CFAP298: variants seen among roughly 807,000 people sequenced by gnomAD.
CFAP298 encodes cilia- and flagella-associated protein 298.
In CFAP298, 38 loss-of-function variants were observed where a neutral mutation model predicts 41.0. The ratio of observed to expected loss-of-function variants is 0.93; its 90% CI spans 0.72 to 1.22. The LOEUF is 1.22. CFAP298 is among the 50% of genes most tolerant of loss of function. The pLI, the probability that CFAP298 is intolerant of heterozygous loss-of-function variation, is 0.00. For synonymous variants in CFAP298, 137 were observed against 135.3 expected, an observed-to-expected ratio of 1.01 and a Z score of -0.09; for missense variants, 348 against 360.3, an observed-to-expected ratio of 0.97 and a Z score of 0.28.
chr21:32,609,788 A>C (rs2146569341), intron 2 of CFAP298, 50 bp downstream of exon 2: 1 of 1,513,472 alleles, frequency 6.6e-7, no homozygotes, highest in Non-Finnish European at 8.9e-7. Flanking sequence ...AACTGTTTTC[A>C]TACTTATGCC....
intron 5 of CFAP298, chr21:32,602,620 T>C: frequency 7.6e-7 from 1 of 1,308,996 alleles, no homozygotes; most frequent in Non-Finnish European, 9.7e-7. Flanking sequence ...AGGCAGACAC[T>C]GCAGGCAGGT....
intron 2 of CFAP298, among the ~76,000 whole-genome samples, chr21:32,609,468 G>A (rs1363285520): frequency 6.6e-6 from 1 of 152,136 alleles, no homozygotes; most frequent in Non-Finnish European, 1.5e-5. Context: ...GAAATGACGA[G>A]GTCAATTTTT....
intron 4 of CFAP298, 47 bp downstream of exon 4, chr21:32,604,078 G>A (rs769504012): frequency 1.9e-6 from 3 of 1,584,290 alleles, no homozygotes; most frequent in Non-Finnish European, 2.6e-6. Flanking sequence ...AAGGGCTTTG[G>A]GGGCCAGGAA....
At chr21:32,602,716 G>A (rs2038771326) in intron 5 of CFAP298, 23 of 1,248,328 alleles carry the variant, frequency 1.8e-5, no homozygotes, top group Non-Finnish European at 2.3e-5. Context: ...TCACAGCCTA[G>A]TGACGTAGGA....
rs2038818581 is a variant in CFAP298 at position 32,604,268 on chromosome 21, CG to C, written c.390del (p.Gly131ValfsTer9). Reference sequence around the variant, plus strand: ...ACCATCTCCATGGTAACACAGACACCGGCTTCCACTTGTTTCTGCAAGCAGA... The same window carrying C: ...ACCATCTCCATGGTAACACAGACACCGCTTCCACTTGTTTCTGCAAGCAGA... Reference protein sequence around the residue: ...KAIISKKQVEAGVCVTMEMVK... With the variant: ...KAIISKKQVEXGVCVTMEMVK... On this transcript the variant is annotated frameshift_variant, in exon 4 of 7. Transcript: ENST00000290155. LOFTEE classifies it high-confidence loss of function. 6.2e-7 allele frequency: 1 copy of C among 1,613,934 alleles called. No individual in the cohort carries two copies. Among genetic ancestry groups the C allele is most frequent in the African/African-American group, 1.3e-5 (1 of 74,886 alleles).
rs1390232421 is a variant in CFAP298, at chr21:32,602,297, T to C, written c.737A>G (p.Tyr246Cys). 2 of 1,613,996 alleles carry C rather than the reference T, an allele frequency of 1.2e-6. No homozygotes were observed. The highest frequency in any genetic ancestry group is 1.3e-5 in the African/African-American group (1 of 74,940). ...SEEQKQLMLY[Y>C]HRRQEELKRL... The stretch of plus-strand genomic sequence containing the variant: ...CTTGAGCTCCTCTTGTCTTCTGTGA[T>C]AGTACAGCATCAGCTGCTTCTGCTC... Residue 246 changes from tyrosine (Y) to cysteine (C), a missense_variant, in exon 6 of 7, where the codon TAT becomes TGT. Tyr to Cys is a radical substitution (Grantham distance 194). Transcript: ENST00000290155.
rs958130006 is a variant in CFAP298 at position 32,602,708 on chromosome 21, A to T, written c.667-341T>A. On this transcript the variant is annotated intron_variant, in intron 5 of 6. Transcript: ENST00000290155. ...TGGAGGGCCCCATTTCCCCAAAATC[A>T]CAGCCTAGTGACGTAGGAGCACCCA... is the stretch of plus-strand genomic sequence containing the variant. 2.4e-6 allele frequency: 3 copies of T among 1,241,296 alleles called. No homozygotes were observed. The African/African-American group carries it at 4.6e-5, about 19-fold the overall frequency. The allele number at this position is 1,241,296 out of a possible 1,614,324, so 76.9% of individuals were successfully genotyped here. A position where few individuals can be genotyped will look rare whatever the true frequency, so the allele number is the denominator to read the frequency against.
chr21:32,606,356 C>T (rs2038866514), intron 3 of CFAP298, among the ~76,000 whole-genome samples: 1 of 152,144 alleles, frequency 6.6e-6, no homozygotes. Flanking sequence ...AGATAAGATA[C>T]TGAGAGAGGA....
In CFAP298 at chr21:32,603,280, C is replaced by G. The variant is rs373153603; in HGVS notation, c.547G>C (p.Val183Leu). The G allele has an allele frequency of 5.0e-5, 81 of 1,613,918 alleles. No individual in the cohort carries two copies. Among genetic ancestry groups the G allele is most frequent in the Non-Finnish European group, 6.7e-5 (79 of 1,179,952 alleles). Residue 183 changes from valine (V) to leucine (L), a missense_variant, in exon 5 of 7, where the codon GTC becomes CTC. Val to Leu is a conservative substitution (Grantham distance 32). Transcript: ENST00000290155. ...AGCTGCGCCTCTGCCTCTTTAATGA[C>G]GTTGAGCCCTGCCTGGGGCCAGTCG... ...DLSGTQAGLN[V>L]IKEAEAQLWW...
intron 6 of CFAP298, 105 bp downstream of exon 6, chr21:32,602,167 T>A (rs2038756353): frequency 8.7e-7 from 1 of 1,150,590 alleles, no homozygotes; most frequent in African/African-American, 1.5e-5. Context: ...GAAAGACCCC[T>A]CCCCGGCATT....
In CFAP298 at chr21:32,602,271, C is replaced by T. The variant is rs111325880; in HGVS notation, c.762+1G>A. On this transcript the variant is annotated splice_donor_variant, in intron 6 of 6. Coordinates refer to ENST00000290155, the MANE Select transcript of CFAP298 (RefSeq NM_021254.4). LOFTEE classifies it high-confidence loss of function. ...CAGAAAGCCCATCTGTCCCCTGCTA[C>T]CTTGAGCTCCTCTTGTCTTCTGTGA... The T allele has an allele frequency of 6.2e-7, 1 of 1,613,956 alleles. No homozygotes were observed. Among genetic ancestry groups the T allele is most frequent in the Non-Finnish European group, 8.5e-7 (1 of 1,179,936 alleles).
In CFAP298 at chr21:32,602,292, T is replaced by C; in HGVS notation, c.742A>G (p.Arg248Gly). The C allele has an allele frequency of 6.2e-7, 1 of 1,614,104 alleles. No individual in the cohort carries two copies. Among genetic ancestry groups the C allele is most frequent in the South Asian group, 1.1e-5 (1 of 91,090 alleles). The change falls in exon 6 of 7, where the codon AGA (arginine) becomes GGA (glycine). Residue 248 changes from arginine to glycine, a missense_variant. Transcript: ENST00000290155. Reference sequence around the variant, plus strand: ...GCTACCTTGAGCTCCTCTTGTCTTCTGTGATAGTACAGCATCAGCTGCTTC... The same window carrying C: ...GCTACCTTGAGCTCCTCTTGTCTTCCGTGATAGTACAGCATCAGCTGCTTC... ...EQKQLMLYYH[R>G]RQEELKRLEE...
intron 5 of CFAP298, 103 bp from the exon 6 acceptor site, chr21:32,602,470 A>G: frequency 6.7e-7 from 1 of 1,488,306 alleles, no homozygotes; most frequent in East Asian, 2.4e-5. Context: ...CGGCTACTAA[A>G]GATAAACAGG....
At position 32,602,808 on chromosome 21, in the gene CFAP298, C is replaced by A. The variant is rs558738577; in HGVS notation, c.666+353G>T. On this transcript the variant is annotated intron_variant, in intron 5 of 6. Coordinates refer to ENST00000290155, the MANE Select transcript of CFAP298 (RefSeq NM_021254.4). ...AGGTCTCGAACCTTTCCTCCTCCCC[C>A]TCCTGTACACAGCATCAGCAGTTTG... 1.4e-5 allele frequency: 19 copies of A among 1,378,360 alleles called. No homozygotes were observed. In the African/African-American group the frequency reaches 2.0e-4, roughly 15 times the overall value. 85.4% of individuals were successfully genotyped at this position (1,378,360 alleles called of 1,614,324 possible).
chr21:32,612,098 G>A lies in CFAP298; in HGVS notation c.139+7C>T. 1 of 1,547,830 alleles carries A rather than the reference G, an allele frequency of 6.5e-7. No homozygotes were observed. Among genetic ancestry groups the A allele is most frequent in the South Asian group, 1.2e-5 (1 of 83,566 alleles). Reference sequence around the variant, plus strand: ...CTGTCCGGGATGGGCCCACCCGCGAGCCGCACCTGAGCAGAGGCGCTGCAC... The same window carrying A: ...CTGTCCGGGATGGGCCCACCCGCGAACCGCACCTGAGCAGAGGCGCTGCAC... On this transcript the variant is annotated splice_region_variant and intron_variant, in intron 1 of 6. Transcript: ENST00000290155.
chr21:32,608,748 A>G (rs111439082), intron 2 of CFAP298, among the ~76,000 whole-genome samples: 3 of 151,914 alleles, frequency 2.0e-5, no homozygotes, highest in African/African-American at 7.2e-5. Flanking sequence ...ACTGGTTCTC[A>G]TATTTTTTTT....
Position 32,612,353 on chromosome 21 carries a change from C to CGCT in CFAP298, c.-113_-111dup. 7 of 1,439,252 alleles carry CGCT rather than the reference C, an allele frequency of 4.9e-6. No individual in the cohort carries two copies. The highest frequency in any genetic ancestry group is 6.4e-6 in the Non-Finnish European group (7 of 1,098,332). 89.2% of individuals were successfully genotyped at this position (1,439,252 alleles called of 1,614,324 possible). A position where few individuals can be genotyped will look rare whatever the true frequency, so the allele number is the denominator to read the frequency against. ...CCAGCAGCTGCGACGCACTAACAGC[C>CGCT]GCTCACAGTCCGGAATCCCACGCTC... On this transcript the variant is annotated 5_prime_UTR_variant, in exon 1 of 7. Coordinates refer to ENST00000290155, the MANE Select transcript of CFAP298 (RefSeq NM_021254.4).
chr21:32,604,046 C>T, intron 4 of CFAP298, 79 bp downstream of exon 4: 3 of 1,393,694 alleles, frequency 2.2e-6, no homozygotes, highest in Non-Finnish European at 3.0e-6. Flanking sequence ...ACACTACATC[C>T]AGAAGAGGGG....
chr21:32,612,277 G>C lies in CFAP298; in HGVS notation c.-34C>G. 1 of 1,421,414 alleles carries C rather than the reference G, an allele frequency of 7.0e-7. No individual in the cohort carries two copies. 88.1% of individuals were successfully genotyped at this position (1,421,414 alleles called of 1,614,324 possible). On this transcript the variant is annotated 5_prime_UTR_variant, in exon 1 of 7. Transcript: ENST00000290155. ...CGCCGAGGTACTGAGGCGTTGAGAA[G>C]GCCCCGGCTGCGTGGCCCGCGGGTC...
Sources: gnomAD v4.1 joint callset for allele counts (sites outside exome capture counted in the v4.1 genomes callset) on GRCh38, gnomAD v4.1.1 for gene constraint, MANE v1.5 for transcripts, NCBI Gene and HGNC (gene_info 2026-07-23, HGNC 2026-07-21) for gene names.